HIPK3: variants seen among roughly 807,000 people sequenced by gnomAD.
The protein encoded by HIPK3 is homeodomain interacting protein kinase 3.
HIPK3 carries 47 observed loss-of-function variants against 124.2 expected under a neutral mutation model. The observed-to-expected ratio is 0.38, with a 90% confidence interval of 0.30 to 0.48. The LOEUF is 0.48. HIPK3 is among the 20% of genes least tolerant of loss of function. The pLI is 0.98. For synonymous variants in HIPK3, 482 were observed against 515.2 expected (o/e 0.94, Z 0.87); for missense variants, 1,286 against 1,454.3 (o/e 0.88, Z 1.88).
intron 8 of HIPK3, 104 bp from the exon 9 acceptor site, chr11:33,347,189 A>AG (rs1853519336): frequency 1.7e-6 from 2 of 1,206,156 alleles, no homozygotes. Flanking sequence ...CAAAAAAAAA[A>AG]AAAATCTGTC....
intron 16 of HIPK3, 148 bp from the exon 17 acceptor site, chr11:33,352,944 C>T (rs111371928): frequency 5.5e-5 from 31 of 559,600 alleles, no homozygotes; most frequent in African/African-American, 5.4e-4. Flanking sequence ...ATTTTTCTCT[C>T]CTCTAGTTAT....
At chr11:33,341,748 G>A (rs1853342166) in intron 8 of HIPK3, 62 bp downstream of exon 8, 1 of 1,430,032 alleles carries the variant, frequency 7.0e-7, no homozygotes, top group South Asian at 1.3e-5. Context: ...ATAAGTTTAG[G>A]AATCTGTTCA....
chr11:33,257,978 G>C (rs1435426340), intron 1 of HIPK3, 89 bp downstream of exon 1: 3 of 966,076 alleles, frequency 3.1e-6, no homozygotes, highest in African/African-American at 1.8e-5. Context: ...CCCCAAGCCT[G>C]ACCCGGGCCT....
chr11:33,290,451 T>C (rs1391691189), intron 2 of HIPK3, among the ~76,000 whole-genome samples: 1 of 152,052 alleles, frequency 6.6e-6, no homozygotes, highest in African/African-American at 2.4e-5. Flanking sequence ...ATGGATTCTG[T>C]CTTGAGAGCT....
intron 1 of HIPK3, among the ~76,000 whole-genome samples, chr11:33,266,770 T>A (rs973633778): frequency 2.6e-5 from 4 of 152,180 alleles, no homozygotes; most frequent in Non-Finnish European, 4.4e-5. Flanking sequence ...CATTTTTTTT[T>A]AAACTTTGCC....
chr11:33,297,080 A>G (rs1425295077), intron 2 of HIPK3, among the ~76,000 whole-genome samples: 1 of 145,214 alleles, frequency 6.9e-6, no homozygotes, highest in African/African-American at 2.5e-5. Flanking sequence ...GTTATTGCTG[A>G]TATGGAAAAG....
intron 3 of HIPK3, among the ~76,000 whole-genome samples, chr11:33,329,466 A>AC (rs1852908368): frequency 1.3e-5 from 2 of 152,330 alleles, no homozygotes; most frequent in South Asian, 4.1e-4. Context: ...CCTATTACAT[A>AC]ATCATGATTA....
intron 2 of HIPK3, among the ~76,000 whole-genome samples, chr11:33,311,003 G>A (rs1279396288): frequency 6.6e-6 from 1 of 152,116 alleles, no homozygotes; most frequent in Non-Finnish European, 1.5e-5. Context: ...CCGGCCCAGT[G>A]GGATGGCTGC....
chr11:33,263,347 C>T (rs902559882), intron 1 of HIPK3, among the ~76,000 whole-genome samples: 4 of 152,038 alleles, frequency 2.6e-5, no homozygotes, highest in South Asian at 2.1e-4. Context: ...GACAGGGCCT[C>T]GCTCTGTCAC....
rs1235861167 is a variant in HIPK3, at chr11:33,348,663, T to G, written c.2511T>G (p.Cys837Trp). 2 of 1,614,184 alleles carry G rather than the reference T, an allele frequency of 1.2e-6. No homozygotes were observed. The highest frequency in any genetic ancestry group is 2.2e-5 in the South Asian group (2 of 91,084). Residue 837 changes from cysteine (C) to tryptophan (W), a missense_variant, in exon 13 of 17, where the codon TGT becomes TGG. Cys to Trp is a radical substitution (Grantham distance 215). Coordinates refer to ENST00000303296, the MANE Select transcript of HIPK3 (RefSeq NM_005734.5). ...CAGAAGGAGAGGCAAGAAATTGCTG[T>G]GAAACATCTATCAGACAGGACTCTG... ...QNSEGEARNC[C>W]ETSIRQDSDS...
intron 5 of HIPK3, 149 bp from the exon 6 acceptor site, chr11:33,339,201 A>G: frequency 1.8e-6 from 1 of 561,870 alleles, no homozygotes. Context: ...AGGATTTGTT[A>G]ATATTATTTG....
In HIPK3 at chr11:33,348,813, CAG is replaced by C; in HGVS notation, c.2666_2666+1del. On this transcript the variant is annotated frameshift_variant, in exon 13 of 17. Transcript: ENST00000303296. LOFTEE classifies it high-confidence loss of function. ...AAGAGACTTCCCAGAGACATTCACT[CAG>C]AGAGTAAGTGCCAAACGCTGCATCC... ...EEETSQRHSL[R>X]ECKGSLDCEA... 6.2e-7 allele frequency: 1 copy of C among 1,612,220 alleles called. No homozygotes were observed. The highest frequency in any genetic ancestry group is 8.5e-7 in the Non-Finnish European group (1 of 1,178,460).
intron 2 of HIPK3, among the ~76,000 whole-genome samples, chr11:33,298,241 A>G (rs1400284683): frequency 6.6e-6 from 1 of 152,196 alleles, no homozygotes; most frequent in African/African-American, 2.4e-5. Context: ...GGAATACCAA[A>G]GCCTGGATTA....
intron 3 of HIPK3, among the ~76,000 whole-genome samples, chr11:33,330,727 C>A (rs1852953404): frequency 6.6e-6 from 1 of 151,070 alleles, no homozygotes; most frequent in Admixed American, 6.6e-5. Context: ...TAATCTGGGA[C>A]TTTAAGCTCA....
chr11:33,258,704 G>A (rs1264615272), intron 1 of HIPK3: 4 of 985,310 alleles, frequency 4.1e-6, no homozygotes, highest in East Asian at 1.1e-4. Flanking sequence ...TGTGGCTCTC[G>A]GGGAATCCTG....
rs1462735025 is a variant in HIPK3 at position 33,353,277 on chromosome 11, T to C, written c.3357T>C (p.Leu1119=). Residue 1119 remains leucine (L), a synonymous_variant, in exon 17 of 17, where the codon CTT becomes CTC. Coordinates refer to ENST00000303296, the MANE Select transcript of HIPK3 (RefSeq NM_005734.5). ...NTHLGGQPTL[L]PYPSSATLSS... is the part of the protein sequence containing the mutation. The stretch of plus-strand genomic sequence containing the variant: ...ACCTCGGAGGACAGCCTACTCTACT[T>C]CCATACCCATCATCAGCCACCCTCA... 11 of 1,614,158 alleles carry C rather than the reference T, an allele frequency of 6.8e-6. No individual in the cohort carries two copies. The highest frequency in any genetic ancestry group is 9.3e-6 in the Non-Finnish European group (11 of 1,180,032).
chr11:33,342,672 C>G (rs146317208), intron 8 of HIPK3, among the ~76,000 whole-genome samples: 2 of 152,138 alleles, frequency 1.3e-5, no homozygotes, highest in East Asian at 3.9e-4. Flanking sequence ...CTTAGCCTCC[C>G]GAGTAGCTGG....
intron 1 of HIPK3, among the ~76,000 whole-genome samples, chr11:33,271,568 AATAAATAAATAAATAAAGTCAATTT>A (rs1243067411): frequency 6.6e-6 from 1 of 152,130 alleles, no homozygotes; most frequent in African/African-American, 2.4e-5. Flanking sequence ...CCTGTCTCAA[AATAAATAAATAAATAAAGTCAATTT>A]TAGTTACTAT....
intron 5 of HIPK3, 142 bp downstream of exon 5, chr11:33,338,985 A>G (rs1040036017): frequency 9.3e-6 from 5 of 536,202 alleles, no homozygotes; most frequent in Non-Finnish European, 9.7e-6. Context: ...AACTGATTCT[A>G]TTTTCAACCT....
Sources: gnomAD v4.1 joint callset for allele counts (sites outside exome capture counted in the v4.1 genomes callset) on GRCh38, gnomAD v4.1.1 for gene constraint, MANE v1.5 for transcripts, NCBI Gene and HGNC (gene_info 2026-07-23, HGNC 2026-07-21) for gene names.